Variants in ENTPD1 observed in about 807,000 individuals in gnomAD.
ENTPD1 encodes ectonucleoside triphosphate diphosphohydrolase 1.
In ENTPD1, 33 loss-of-function variants were observed where a neutral mutation model predicts 57.0. The ratio of observed to expected loss-of-function variants is 0.58; its 90% CI spans 0.44 to 0.77. The LOEUF (loss-of-function observed/expected upper bound fraction) is 0.77, where lower values mean the gene tolerates loss of function less well. Among genes scored for constraint, ENTPD1 ranks in the 30% least tolerant of loss-of-function variants. The pLI is 0.00. For missense variants in ENTPD1, 501 were observed against 603.4 expected (o/e 0.83, Z 1.78); for synonymous variants, 202 against 218.8 (o/e 0.92, Z 0.68).
chr10:95,694,933 C>T, the ENTPD1 span, among the ~76,000 whole-genome samples: 1 of 129,290 alleles, frequency 7.7e-6, no homozygotes, highest in East Asian at 2.3e-4. Context: ...CGGTGTTTCG[C>T]TCTGTCGCTC....
intron 1 of ENTPD1, among the ~76,000 whole-genome samples, chr10:95,741,458 T>C (rs572670524): frequency 6.6e-6 from 1 of 152,124 alleles, no homozygotes; most frequent in African/African-American, 2.4e-5. Flanking sequence ...TAATGAAAAA[T>C]TTTAAATATT....
intron 7 of ENTPD1, among the ~76,000 whole-genome samples, chr10:95,852,180 GTGA>G (rs1473800016): frequency 1.3e-5 from 2 of 152,200 alleles, no homozygotes; most frequent in Non-Finnish European, 2.9e-5. Context: ...CTGATGGCCA[GTGA>G]TGATGAGCAT....
At chr10:95,752,088 G>A (rs2098012937), upstream of ENTPD1, among the ~76,000 whole-genome samples, 1 of 152,152 alleles carries the variant, frequency 6.6e-6, no homozygotes, top group African/African-American at 2.4e-5. Context: ...CAAGAAAGAA[G>A]GAAGGCCAAC....
At chr10:95,845,755 C>T (rs533154215) in intron 6 of ENTPD1, 159 bp downstream of exon 6, 1 of 1,237,108 alleles carries the variant, frequency 8.1e-7, no homozygotes, top group African/African-American at 1.5e-5. Context: ...TGGTTGACCC[C>T]TATAAATTGT....
chr10:95,789,329 C>T (rs768399215), intron 1 of ENTPD1, among the ~76,000 whole-genome samples: 31 of 152,068 alleles, frequency 2.0e-4, no homozygotes, highest in Non-Finnish European at 4.0e-4. Context: ...TGAGTTGATA[C>T]GTGGCAAAGT....
rs1421204334 is a variant in ENTPD1 at position 95,845,480 on chromosome 10, C to G, written c.697C>G (p.Pro233Ala). 5.6e-6 allele frequency: 9 copies of G among 1,614,186 alleles called. No homozygotes were observed. The highest frequency in any genetic ancestry group is 7.6e-6 in the Non-Finnish European group (9 of 1,180,034). Residue 233 changes from proline to alanine, a missense_variant, in exon 6 of 10, where the codon CCA (proline) becomes GCA (alanine). Physicochemically the swap from Pro to Ala is conservative, Grantham distance 27. Transcript: ENST00000371205. The part of the protein sequence containing the change: ...FVPQNQTIES[P>A]DNALQFRLYG... ...ACCCCAAAACCAGACTATCGAGTCC[C>G]CAGATAATGCTCTGCAATTTCGCCT...
chr10:95,824,024 A>C (rs2098364258), intron 2 of ENTPD1, among the ~76,000 whole-genome samples: 1 of 152,228 alleles, frequency 6.6e-6, no homozygotes, highest in Non-Finnish European at 1.5e-5. Flanking sequence ...TAATGTATTT[A>C]TGTTTTCTTT....
chr10:95,711,111 G>T (rs1029617911), upstream of ENTPD1, among the ~76,000 whole-genome samples: 1 of 151,474 alleles, frequency 6.6e-6, no homozygotes, highest in East Asian at 1.9e-4. Flanking sequence ...CCCCAGGTGG[G>T]TCATAGAAGC....
chr10:95,747,628 G>A (rs1028781297), intron 1 of ENTPD1, among the ~76,000 whole-genome samples: 6 of 152,168 alleles, frequency 3.9e-5, no homozygotes, highest in Admixed American at 3.9e-4. Flanking sequence ...GGTTTATGGA[G>A]TGTGCCTTAA....
chr10:95,810,568 TG>T (rs1454845471), intron 1 of ENTPD1, among the ~76,000 whole-genome samples: 3 of 152,340 alleles, frequency 2.0e-5, no homozygotes, highest in African/African-American at 7.2e-5. Context: ...AGGGTTTAGT[TG>T]CCTTTTTTAT....
chr10:95,732,620 C>T (rs978239301), intron 1 of ENTPD1, among the ~76,000 whole-genome samples: 6 of 152,072 alleles, frequency 3.9e-5, no homozygotes, highest in African/African-American at 1.2e-4. Flanking sequence ...CAGGGGAACC[C>T]GCCCCCAATA....
intron 1 of ENTPD1, among the ~76,000 whole-genome samples, chr10:95,759,727 C>G (rs138993816): frequency 4.4e-4 from 67 of 152,258 alleles, no homozygotes; most frequent in East Asian, 3.9e-3. Flanking sequence ...GTGGGGAAGC[C>G]TAATAATAAT....
intron 2 of ENTPD1, among the ~76,000 whole-genome samples, chr10:95,828,057 A>G (rs1203375765): frequency 6.6e-6 from 1 of 152,142 alleles, no homozygotes; most frequent in African/African-American, 2.4e-5. Context: ...CTATCATTTA[A>G]AGCAGGGGTC....
chr10:95,761,461 G>A (rs980073855), intron 1 of ENTPD1, among the ~76,000 whole-genome samples: 2 of 152,074 alleles, frequency 1.3e-5, no homozygotes, highest in Non-Finnish European at 2.9e-5. Context: ...CAGGGTCATC[G>A]CATGCCTTAG....
chr10:95,793,551 G>T (rs2098214331), intron 1 of ENTPD1, among the ~76,000 whole-genome samples: 1 of 152,102 alleles, frequency 6.6e-6, no homozygotes, highest in Non-Finnish European at 1.5e-5. Context: ...TTCTCAAAGT[G>T]TAGTCCCTGG....
intron 8 of ENTPD1, 62 bp downstream of exon 8, chr10:95,860,644 G>A: frequency 7.1e-7 from 1 of 1,410,098 alleles, no homozygotes; most frequent in Non-Finnish European, 1.0e-6. Flanking sequence ...CTGATGCAGA[G>A]GATGTGAGTC....
chr10:95,739,104 G>T (rs1176416553), intron 1 of ENTPD1, among the ~76,000 whole-genome samples: 1 of 152,150 alleles, frequency 6.6e-6, no homozygotes, highest in Admixed American at 6.5e-5. Context: ...ATACTTTATT[G>T]TTAAAAATGC....
intron 1 of ENTPD1, among the ~76,000 whole-genome samples, chr10:95,757,641 T>A (rs560394652): frequency 1.3e-5 from 2 of 151,996 alleles, no homozygotes; most frequent in Admixed American, 6.5e-5. Context: ...TTATGGTCTT[T>A]TGCAAAAAGG....
chr10:95,762,062 G>A (rs1363584490), intron 1 of ENTPD1, among the ~76,000 whole-genome samples: 1 of 152,150 alleles, frequency 6.6e-6, no homozygotes. Context: ...ATCCAGAGTA[G>A]AGGTTGTCTA....
Sources: gnomAD v4.1 joint callset for allele counts (sites outside exome capture counted in the v4.1 genomes callset) on GRCh38, gnomAD v4.1.1 for gene constraint, MANE v1.5 for transcripts, NCBI Gene and HGNC (gene_info 2026-07-23, HGNC 2026-07-21) for gene names.